MVB12B: variants seen among roughly 807,000 people sequenced by gnomAD.
The protein encoded by MVB12B is multivesicular body subunit 12B.
A neutral mutation model predicts 41.6 loss-of-function variants in MVB12B; 16 were observed. That is an observed-to-expected ratio of 0.38 (90% CI 0.26 to 0.58). The LOEUF is 0.58. Ranked by LOEUF, MVB12B falls within the 20% of genes least tolerant of loss-of-function variation. The pLI is 0.62. For synonymous variants in MVB12B, 133 were observed against 139.7 expected (o/e 0.95, Z 0.34); for missense variants, 274 against 380.2 (o/e 0.72, Z 2.32).
In MVB12B at chr9:126,367,822, C is replaced by G. The variant is rs1337811866; in HGVS notation, c.205-13242C>G. Among the ~76,000 whole-genome samples, 3 of 152,206 alleles carry G rather than the reference C, an allele frequency of 2.0e-5. No individual in the cohort carries two copies. The highest frequency in any genetic ancestry group is 7.2e-5 in the African/African-American group (3 of 41,462). On this transcript the variant is annotated intron_variant, in intron 2 of 9. Transcript: ENST00000361171. The surrounding 1 kb of genome is among the most constrained non-coding windows in gnomAD (Gnocchi z 4.3). ...GGTGTGGCTGAGTGGAGGTCAAACC[C>G]AGGTCTCCTGCCTCTGTGTGGCTCT...
intron 6 of MVB12B, among the ~76,000 whole-genome samples, chr9:126,416,128 G>A (rs544410225): frequency 1.3e-5 from 2 of 152,356 alleles, no homozygotes; most frequent in South Asian, 2.1e-4. Flanking sequence ...CAGAGGAAAG[G>A]CCCCGTGGGT....
At chr9:126,471,973 GT>G (rs375496166) in intron 7 of MVB12B, among the ~76,000 whole-genome samples, 1 of 8,226 alleles carries the variant, frequency 1.2e-4, no homozygotes, top group African/African-American at 3.1e-4. Flanking sequence ...AATAGAGTCT[GT>G]TTTTTTTTTT....
intron 2 of MVB12B, among the ~76,000 whole-genome samples, chr9:126,361,871 G>A (rs567997453): frequency 4.2e-5 from 6 of 141,276 alleles, no homozygotes; most frequent in African/African-American, 1.1e-4. Flanking sequence ...CTGTGATTGC[G>A]TTACTGCACT....
chr9:126,415,426 A>T (rs939024003), intron 6 of MVB12B, among the ~76,000 whole-genome samples: 2 of 152,214 alleles, frequency 1.3e-5, no homozygotes, highest in Admixed American at 1.3e-4. Flanking sequence ...ATATTTCATG[A>T]AACAGTGGTA....
chr9:126,348,561 T>TTCCG (rs1342329229), intron 2 of MVB12B, among the ~76,000 whole-genome samples: 1 of 152,260 alleles, frequency 6.6e-6, no homozygotes, highest in African/African-American at 2.4e-5. Context: ...TAATGACTTG[T>TTCCG]TCCGTAGTTG....
chr9:126,345,167 A>T (rs1229260109), intron 2 of MVB12B, among the ~76,000 whole-genome samples: 1 of 151,954 alleles, frequency 6.6e-6, no homozygotes, highest in Non-Finnish European at 1.5e-5. Context: ...CCATGCTCAG[A>T]CCTCTTCCTA....
At chr9:126,458,789 G>T (rs1267751446) in intron 7 of MVB12B, among the ~76,000 whole-genome samples, 1 of 152,198 alleles carries the variant, frequency 6.6e-6, no homozygotes, top group East Asian at 1.9e-4. Context: ...ACTCAGGGAA[G>T]CACAGAAAGG....
At chr9:126,456,461 T>C (rs560025536) in intron 7 of MVB12B, among the ~76,000 whole-genome samples, 1 of 152,366 alleles carries the variant, frequency 6.6e-6, no homozygotes, top group East Asian at 1.9e-4. Flanking sequence ...ACATCATTGC[T>C]AATAATGATT....
chr9:126,336,137 C>T (rs1378349240), intron 1 of MVB12B, among the ~76,000 whole-genome samples: 2 of 152,232 alleles, frequency 1.3e-5, no homozygotes, highest in African/African-American at 4.8e-5. Flanking sequence ...ACTCCTCGGC[C>T]CACACCCCGC....
At chr9:126,432,277 A>G (rs1054583863) in intron 7 of MVB12B, among the ~76,000 whole-genome samples, 3 of 152,250 alleles carry the variant, frequency 2.0e-5, no homozygotes, top group African/African-American at 7.2e-5. Flanking sequence ...GCTGAAAACA[A>G]AGGGAACCCC....
At chr9:126,453,707 C>G (rs1331432508) in intron 7 of MVB12B, among the ~76,000 whole-genome samples, 1 of 152,216 alleles carries the variant, frequency 6.6e-6, no homozygotes, top group African/African-American at 2.4e-5. Context: ...TGCATACACT[C>G]ACGTGTGGCA....
At chr9:126,404,792 C>T (rs6478738) in intron 6 of MVB12B, among the ~76,000 whole-genome samples, 47,895 of 152,140 alleles carry the variant, frequency 0.31, 7,823 homozygotes, top group South Asian at 0.42. Flanking sequence ...AGCAGGGTTA[C>T]GAGCAGTGTG....
chr9:126,448,568 G>T (rs968691215), intron 7 of MVB12B, among the ~76,000 whole-genome samples: 14 of 152,204 alleles, frequency 9.2e-5, no homozygotes, highest in Non-Finnish European at 2.1e-4. Context: ...TCACGGTTCT[G>T]CAGACTATAT....
chr9:126,438,994 G>A (rs1832565441), intron 7 of MVB12B, among the ~76,000 whole-genome samples: 1 of 152,008 alleles, frequency 6.6e-6, no homozygotes, highest in Admixed American at 6.5e-5. Context: ...CCATTCCACA[G>A]GCTTGAGAAC....
chr9:126,353,244 G>A (rs1829799311), intron 2 of MVB12B, among the ~76,000 whole-genome samples: 1 of 152,176 alleles, frequency 6.6e-6, no homozygotes, highest in Non-Finnish European at 1.5e-5. Flanking sequence ...TCATGTCTTT[G>A]TAAAGTATTG....
intron 9 of MVB12B, among the ~76,000 whole-genome samples, chr9:126,496,644 G>A (rs951703269): frequency 3.3e-5 from 5 of 152,084 alleles, no homozygotes; most frequent in Non-Finnish European, 7.4e-5. Flanking sequence ...TGGTCCTTAA[G>A]GACACGTAGG....
At chr9:126,414,095 GA>G (rs1831736569) in intron 6 of MVB12B, among the ~76,000 whole-genome samples, 1 of 152,110 alleles carries the variant, frequency 6.6e-6, no homozygotes, top group South Asian at 2.1e-4. Flanking sequence ...AATTAACAAG[GA>G]AAAAGCAGAA....
At chr9:126,368,319 G>A (rs1173459910) in intron 2 of MVB12B, among the ~76,000 whole-genome samples, 5 of 152,174 alleles carry the variant, frequency 3.3e-5, no homozygotes, top group Admixed American at 1.3e-4. Context: ...TTTAAACTCT[G>A]TATGCTGCTG....
At chr9:126,366,132 G>T (rs1281955699) in intron 2 of MVB12B, among the ~76,000 whole-genome samples, 2 of 151,884 alleles carry the variant, frequency 1.3e-5, no homozygotes, top group Non-Finnish European at 1.5e-5. Context: ...CTTAGCAGAT[G>T]CGGCCTCCGC....
Sources: allele counts gnomAD v4.1 joint callset (sites outside exome capture counted in the v4.1 genomes callset), GRCh38; gene constraint gnomAD v4.1.1; non-coding constraint Gnocchi (gnomAD v3.1); transcripts MANE v1.5; gene names NCBI Gene and HGNC (gene_info 2026-07-23, HGNC 2026-07-21).